Variants in STRN3 observed in about 807,000 individuals in gnomAD.
STRN3 encodes striatin 3.
STRN3 carries 29 observed loss-of-function variants against 95.6 expected under a neutral mutation model. That is an observed-to-expected ratio of 0.30 (90% confidence interval 0.23 to 0.41). The LOEUF is 0.41. Ranked by LOEUF, STRN3 falls within the 10% of genes least tolerant of loss-of-function variation. The probability of loss-of-function intolerance (pLI) is 1.00; values close to 1 mark genes in which losing one functional copy is unlikely to be tolerated. For missense variants in STRN3, 890 were observed against 972.1 expected, an observed-to-expected ratio of 0.92 and a Z score of 1.12; for synonymous variants, 331 against 357.6, an observed-to-expected ratio of 0.93 and a Z score of 0.84.
chr14:30,993,138 A>G lies in STRN3; in HGVS notation c.282+32766T>C, dbSNP rs543818118. On this transcript the variant is annotated intron_variant, in intron 1 of 17. Transcript: ENST00000357479. The stretch of plus-strand genomic sequence containing the variant: ...TAGCCAGGTAGGCTGGCATGTGCCT[A>G]TAGTCCCAGCTATTATACTTGGCAG... Among the ~76,000 whole-genome samples, 16 of 152,148 alleles carry G rather than the reference A, an allele frequency of 1.1e-4. No homozygotes were observed. In the South Asian group the frequency reaches 2.9e-3, roughly 28 times the overall value.
At chr14:30,917,787 T>A (rs187173810) in intron 9 of STRN3, among the ~76,000 whole-genome samples, 1 of 152,312 alleles carries the variant, frequency 6.6e-6, no homozygotes, top group East Asian at 1.9e-4. Flanking sequence ...GTAAGGAAAC[T>A]GTGCCACTAG....
In STRN3 at chr14:31,025,886, C is replaced by G; in HGVS notation, c.282+18G>C. On this transcript the variant is annotated intron_variant, in intron 1 of 17. Transcript: ENST00000357479. ...ACCCAGCCGCCGCAGCTCCCGCACA[C>G]CGACCCCAACGAGGTACCTGCAGTT... 1 of 1,593,808 alleles carries G rather than the reference C, an allele frequency of 6.3e-7. No homozygotes were observed. Among genetic ancestry groups the G allele is most frequent in the Non-Finnish European group, 8.5e-7 (1 of 1,171,460 alleles).
intron 1 of STRN3, among the ~76,000 whole-genome samples, chr14:31,010,596 T>C (rs912560682): frequency 6.6e-6 from 1 of 152,158 alleles, no homozygotes. Flanking sequence ...ACGTACTTTT[T>C]TCATATAGCT....
At chr14:30,987,582 T>C (rs146176172) in intron 1 of STRN3, among the ~76,000 whole-genome samples, 1 of 152,150 alleles carries the variant, frequency 6.6e-6, no homozygotes, top group Admixed American at 6.5e-5. Context: ...AACCAGGCCA[T>C]GTAGGACCTT....
intron 5 of STRN3, among the ~76,000 whole-genome samples, chr14:30,942,337 C>A (rs1879134241): frequency 6.6e-6 from 1 of 152,152 alleles, no homozygotes; most frequent in Non-Finnish European, 1.5e-5. Context: ...TGGAAGTCTC[C>A]ATCTGTGGAT....
chr14:30,935,432 A>G, intron 6 of STRN3, 128 bp from the exon 7 acceptor site: 1 of 1,004,822 alleles, frequency 1.0e-6, no homozygotes, highest in Non-Finnish European at 1.4e-6. Flanking sequence ...TAGATCTCCT[A>G]TGTAATTCAC....
intron 1 of STRN3, among the ~76,000 whole-genome samples, chr14:31,020,967 C>T (rs980918035): frequency 2.0e-5 from 3 of 151,948 alleles, no homozygotes; most frequent in African/African-American, 7.3e-5. Flanking sequence ...GTGTCTCATA[C>T]ATCATTATAC....
intron 16 of STRN3, among the ~76,000 whole-genome samples, chr14:30,899,466 T>C (rs1473798989): frequency 1.3e-5 from 2 of 152,228 alleles, no homozygotes; most frequent in Non-Finnish European, 2.9e-5. Context: ...GTTGTTCAAA[T>C]ATTTTTAGTG....
chr14:30,919,840 A>G (rs1198656523), intron 8 of STRN3, among the ~76,000 whole-genome samples: 4 of 152,206 alleles, frequency 2.6e-5, no homozygotes, highest in African/African-American at 9.6e-5. Flanking sequence ...TATAAAACTC[A>G]AAAGCTTCTG....
rs995653069 is a variant in STRN3, at chr14:30,911,883, T to C, written c.1551-59A>G. 3.1e-5 allele frequency: 49 copies of C among 1,568,340 alleles called. No individual in the cohort carries two copies. The African/African-American group carries it at 5.6e-4, about 18-fold the overall frequency. ...AGGCAATTAAATAACTATGAATCAC[T>C]GGTTGATATTAAATAGTCATTAGAT... On this transcript the variant is annotated intron_variant, in intron 11 of 17. Transcript: ENST00000357479.
At chr14:31,008,170 A>G (rs1882806121) in intron 1 of STRN3, among the ~76,000 whole-genome samples, 1 of 151,166 alleles carries the variant, frequency 6.6e-6, no homozygotes, top group South Asian at 2.1e-4. Context: ...TAGCCTAGGC[A>G]ACAGAGTGAG....
chr14:31,017,482 C>A (rs1383937792), intron 1 of STRN3, among the ~76,000 whole-genome samples: 1 of 148,188 alleles, frequency 6.7e-6, no homozygotes, highest in Non-Finnish European at 1.5e-5. Context: ...CTGGGCGACG[C>A]AGCGAGACTC....
At chr14:31,024,365 T>G (rs1399905179) in intron 1 of STRN3, among the ~76,000 whole-genome samples, 1 of 152,242 alleles carries the variant, frequency 6.6e-6, no homozygotes, top group East Asian at 1.9e-4. Context: ...GTTTGCAGTA[T>G]GTAGTAGAAA....
intron 5 of STRN3, among the ~76,000 whole-genome samples, chr14:30,944,273 T>C (rs1389376558): frequency 1.3e-5 from 2 of 151,988 alleles, no homozygotes; most frequent in Non-Finnish European, 2.9e-5. Flanking sequence ...CTAAAAATAT[T>C]TGATAATATT....
chr14:30,971,783 C>T (rs1008491974), intron 1 of STRN3, among the ~76,000 whole-genome samples: 2 of 152,050 alleles, frequency 1.3e-5, no homozygotes, highest in Admixed American at 1.3e-4. Flanking sequence ...AAAAGTAGTT[C>T]GGTAAATGGA....
At chr14:31,012,653 G>A (rs753244935) in intron 1 of STRN3, among the ~76,000 whole-genome samples, 2 of 152,176 alleles carry the variant, frequency 1.3e-5, no homozygotes, top group Non-Finnish European at 2.9e-5. Flanking sequence ...CAGCAATTTG[G>A]GAGACCGAGG....
chr14:30,894,897 T>TTC lies in STRN3; in HGVS notation c.*513_*514insGA, dbSNP rs1555313203. The TTC allele has an allele frequency of 9.6e-6, 10 of 1,041,602 alleles. No homozygotes were observed. Among genetic ancestry groups the TTC allele is most frequent in the African/African-American group, 8.7e-5 (5 of 57,496 alleles). The allele number at this position is 1,041,602 out of a possible 1,614,324, so 64.5% of individuals were successfully genotyped here. A position where few individuals can be genotyped will look rare whatever the true frequency, so the allele number is the denominator to read the frequency against. On this transcript the variant is annotated 3_prime_UTR_variant, in exon 18 of 18. Coordinates refer to ENST00000357479, the MANE Select transcript of STRN3 (RefSeq NM_001083893.2). ...TTTAAGTTAAATTTTCTTTTTCTTTTTTTTTTTTTTTAAAGCAAAATAAGT... is the reference window on the plus strand; with the variant it reads ...TTTAAGTTAAATTTTCTTTTTCTTTTTCTTTTTTTTTTTAAAGCAAAATAAGT...
chr14:31,026,088 C>T lies in STRN3; in HGVS notation c.98G>A (p.Gly33Glu). 6.5e-7 allele frequency: 1 copy of T among 1,529,206 alleles called. No homozygotes were observed. The highest frequency in any genetic ancestry group is 8.8e-7 in the Non-Finnish European group (1 of 1,138,756). The allele number at this position is 1,529,206 out of a possible 1,614,324, so 94.7% of individuals were successfully genotyped here. ...CCCGCCGCCCGCCGCTCCGTTCCCC[C>T]CGGGCGAAAGGCCCAGGTTCCCCCC... ...GPGGNLGLSP[G>E]GNGAAGGGGP... The change falls in exon 1 of 18, where the codon GGG becomes GAG. Residue 33 changes from glycine (G) to glutamate (E), a missense_variant. Gly to Glu is a moderately conservative substitution (Grantham distance 98). Around this residue, in one of 3 missense-constraint regions of STRN3, gnomAD observed 526 missense variants for 526.3 expected, o/e 1.00. Coordinates refer to ENST00000357479, the MANE Select transcript of STRN3 (RefSeq NM_001083893.2).
chr14:30,946,797 G>T (rs1238789759), intron 5 of STRN3, among the ~76,000 whole-genome samples: 2 of 152,062 alleles, frequency 1.3e-5, no homozygotes, highest in African/African-American at 4.8e-5. Context: ...GGCCAACGTG[G>T]TGAAACCCCG....
Sources: allele counts gnomAD v4.1 joint callset (sites outside exome capture counted in the v4.1 genomes callset), GRCh38; gene constraint gnomAD v4.1.1; regional missense constraint gnomAD v4.1.1; transcripts MANE v1.5; gene names NCBI Gene and HGNC (gene_info 2026-07-23, HGNC 2026-07-21).